EP300: variants seen among roughly 807,000 people sequenced by gnomAD.
The protein encoded by EP300 is histone acetyltransferase p300.
A neutral mutation model predicts 264.0 loss-of-function variants in EP300; 31 were observed. That is an observed-to-expected ratio of 0.12 (90% CI 0.09 to 0.16). EP300 has a LOEUF of 0.16. Ranked by LOEUF, EP300 falls within the 10% of genes least tolerant of loss-of-function variation. The pLI is 1.00. For missense variants in EP300, 2,766 were observed against 3,052.9 expected (o/e 0.91, Z 2.21); for synonymous variants, 1,340 against 1,045.4 (o/e 1.28, Z -5.44).
At chr22:41,123,649 T>C (rs764420642) in intron 2 of EP300, among the ~76,000 whole-genome samples, 17 of 152,232 alleles carry the variant, frequency 1.1e-4, no homozygotes, top group Non-Finnish European at 2.4e-4. Context: ...GCAGTAGCTA[T>C]AGTATCTTGA....
intron 23 of EP300, 57 bp from the exon 24 acceptor site, chr22:41,168,392 T>C: frequency 6.2e-7 from 1 of 1,600,118 alleles, no homozygotes. Flanking sequence ...AGGTTGAACC[T>C]TAAGACTAAC....
At chr22:41,112,026 T>TA (rs1209437381) in intron 1 of EP300, among the ~76,000 whole-genome samples, 2 of 151,736 alleles carry the variant, frequency 1.3e-5, no homozygotes, top group Non-Finnish European at 2.9e-5. Context: ...TAGCTGGGAC[T>TA]ACAGGCATCC....
intron 2 of EP300, among the ~76,000 whole-genome samples, chr22:41,119,165 G>T (rs2058837634): frequency 2.0e-5 from 1 of 49,644 alleles, no homozygotes; most frequent in African/African-American, 6.5e-5. Context: ...ACCATGCCTG[G>T]CTTATTATTA....
At chr22:41,114,505 C>T (rs1344054404) in intron 1 of EP300, among the ~76,000 whole-genome samples, 1 of 152,114 alleles carries the variant, frequency 6.6e-6, no homozygotes, top group African/African-American at 2.4e-5. Flanking sequence ...TGGAGGAGCC[C>T]ATATGATATT....
chr22:41,162,157 G>A (rs2059111865), intron 20 of EP300, among the ~76,000 whole-genome samples: 1 of 152,188 alleles, frequency 6.6e-6, no homozygotes, highest in Admixed American at 6.5e-5. Flanking sequence ...GATTGCACTT[G>A]GAGTAGCAAG....
At position 41,133,134 on chromosome 22, in the gene EP300, G is replaced by A. The variant is rs950523127; in HGVS notation, c.1528+1501G>A. ...GCTGGGATTACAGGCATGAGCCACCGCACCTGGCCTAAGATTATCCCCCCC... is the reference window on the plus strand; with the variant it reads ...GCTGGGATTACAGGCATGAGCCACCACACCTGGCCTAAGATTATCCCCCCC... On this transcript the variant is annotated intron_variant, in intron 6 of 30. Transcript: ENST00000263253. Among the ~76,000 whole-genome samples, 6 of 150,628 alleles carry A rather than the reference G, an allele frequency of 4.0e-5. No individual in the cohort carries two copies. The East Asian group carries it at 7.9e-4, about 20-fold the overall frequency.
At chr22:41,143,716 C>T (rs1456862910) in intron 10 of EP300, among the ~76,000 whole-genome samples, 1 of 152,070 alleles carries the variant, frequency 6.6e-6, no homozygotes, top group Non-Finnish European at 1.5e-5. Context: ...GCTGGAATTA[C>T]AGGCATGCAT....
At chr22:41,134,777 C>A (rs1483409226) in intron 6 of EP300, among the ~76,000 whole-genome samples, 3 of 152,236 alleles carry the variant, frequency 2.0e-5, no homozygotes, top group Non-Finnish European at 4.4e-5. Flanking sequence ...CCTTTTCAGG[C>A]TTCCTTTTAC....
intron 2 of EP300, among the ~76,000 whole-genome samples, chr22:41,125,499 C>T (rs984601328): frequency 6.6e-6 from 1 of 151,950 alleles, no homozygotes; most frequent in Non-Finnish European, 1.5e-5. Flanking sequence ...CTCCTGACCT[C>T]AAGAAACCCT....
At chr22:41,170,605 T>C (rs770335461) in intron 27 of EP300, 34 bp downstream of exon 27, 2 of 1,598,834 alleles carry the variant, frequency 1.3e-6, no homozygotes, top group Admixed American at 3.3e-5. Flanking sequence ...GTGCTGACAA[T>C]AGATCTGGAA....
Position 41,131,553 on chromosome 22 carries a change from A to G in EP300, c.1448A>G (p.Gln483Arg). 1 of 1,614,078 alleles carries G rather than the reference A, an allele frequency of 6.2e-7. No individual in the cohort carries two copies. The highest frequency in any genetic ancestry group is 1.1e-5 in the South Asian group (1 of 91,072). The change falls in exon 6 of 31, where the codon CAA becomes CGA. Residue 483 changes from glutamine to arginine, a missense_variant. Transcript: ENST00000263253. Reference sequence around the variant, plus strand: ...TATCAAGTAAATCAGATGCCGACACAACCCCAGGTGCAAGCAAAGAACCAG... The same window carrying G: ...TATCAAGTAAATCAGATGCCGACACGACCCCAGGTGCAAGCAAAGAACCAG... ...LPYQVNQMPT[Q>R]PQVQAKNQQN... is the part of the protein sequence containing the mutation.
At chr22:41,162,684 CT>C in intron 20 of EP300, 38 bp from the exon 21 acceptor site, 1 of 1,533,306 alleles carries the variant, frequency 6.5e-7, no homozygotes, top group Non-Finnish European at 9.0e-7. Context: ...TTGCTCATCT[CT>C]ATCACTTTTT....
intron 29 of EP300, among the ~76,000 whole-genome samples, 158 bp downstream of exon 29, chr22:41,173,942 C>A (rs1397688832): frequency 6.6e-6 from 1 of 151,996 alleles, no homozygotes. Flanking sequence ...TGAAACCTTG[C>A]TCTACTAAAA....
At chr22:41,160,877 G>A (rs2145752859) in intron 20 of EP300, among the ~76,000 whole-genome samples, 155 bp downstream of exon 20, 1 of 152,272 alleles carries the variant, frequency 6.6e-6, no homozygotes, top group South Asian at 2.1e-4. Context: ...AATAAAAATT[G>A]TTTATCACAT....
intron 23 of EP300, among the ~76,000 whole-genome samples, chr22:41,167,819 TTTTTTTG>T (rs1299456406): frequency 0.018 from 735 of 41,436 alleles, 52 homozygotes; most frequent in East Asian, 0.064. Flanking sequence ...TTTTTGTTTT[TTTTTTTG>T]TTTTTTTTTT....
intron 10 of EP300, among the ~76,000 whole-genome samples, chr22:41,145,913 G>A (rs758666214): frequency 6.6e-6 from 1 of 151,988 alleles, no homozygotes; most frequent in African/African-American, 2.4e-5. Flanking sequence ...GGGATTACAG[G>A]ATATTTTATT....
chr22:41,170,588 G>A lies in EP300; in HGVS notation c.4452+17G>A, dbSNP rs2145767017. 6.2e-7 allele frequency: 1 copy of A among 1,613,402 alleles called. No individual in the cohort carries two copies. Among genetic ancestry groups the A allele is most frequent in the Non-Finnish European group, 8.5e-7 (1 of 1,179,512 alleles). On this transcript the variant is annotated intron_variant, in intron 27 of 30. Coordinates refer to ENST00000263253, the MANE Select transcript of EP300 (RefSeq NM_001429.4). ...GACTACAAGGTCAGTTGGGACATAG[G>A]GGCCAGGTGCTGACAATAGATCTGG...
chr22:41,130,727 C>G (rs1401099742), intron 5 of EP300, among the ~76,000 whole-genome samples: 1 of 151,614 alleles, frequency 6.6e-6, no homozygotes, highest in East Asian at 1.9e-4. Context: ...TACTTGTGAT[C>G]TAAACGTTCC....
intron 17 of EP300, among the ~76,000 whole-genome samples, chr22:41,156,133 C>T (rs1282293192): frequency 6.6e-6 from 1 of 152,104 alleles, no homozygotes; most frequent in Non-Finnish European, 1.5e-5. Context: ...TACCTCTCAG[C>T]CTCCCGAGTA....
Sources: allele counts gnomAD v4.1 joint callset (sites outside exome capture counted in the v4.1 genomes callset), GRCh38; gene constraint gnomAD v4.1.1; transcripts MANE v1.5; gene names NCBI Gene and HGNC (gene_info 2026-07-23, HGNC 2026-07-21).